The following NAV2 variants were observed in gnomAD, a reference collection of about 807,000 sequenced individuals.
NAV2 encodes helicase, APC down-regulated 1.
Under a neutral mutation model 223.2 loss-of-function variants are expected in NAV2, and 54 were observed. The observed-to-expected ratio is 0.24, with a 90% confidence interval of 0.19 to 0.30. The LOEUF is 0.30. NAV2 is among the 10% of genes least tolerant of loss of function. NAV2 has a pLI of 1.00. For synonymous variants in NAV2, 1,279 were observed against 1,239.3 expected (o/e 1.03, Z -0.67); for missense variants, 2,806 against 3,147.5 (o/e 0.89, Z 2.60).
intron 1 of NAV2, among the ~76,000 whole-genome samples, chr11:19,385,304 TAAA>T (rs1848992531): frequency 3.7e-5 from 1 of 27,094 alleles, no homozygotes; most frequent in Non-Finnish European, 1.8e-4. Context: ...TAGTTTTGGA[TAAA>T]TATGTTTATT....
chr11:19,482,493 C>T lies in NAV2; in HGVS notation c.75+131466C>T, dbSNP rs1474393037. On this transcript the variant is annotated intron_variant, in intron 1 of 37. Transcript: ENST00000360655. Reference sequence around the variant, plus strand: ...TTTCCACGAGTCAAGCCGGGGCTGACTCAATGCTTGAAGACATATGTGAAT... The same window carrying T: ...TTTCCACGAGTCAAGCCGGGGCTGATTCAATGCTTGAAGACATATGTGAAT... Among the ~76,000 whole-genome samples the T allele has an allele frequency of 9.2e-5, 14 of 152,316 alleles. No homozygotes were observed. In the East Asian group the frequency reaches 2.7e-3, roughly 29 times the overall value.
intron 1 of NAV2, among the ~76,000 whole-genome samples, chr11:19,823,297 TC>T (rs2059474719): frequency 6.6e-6 from 1 of 152,198 alleles, no homozygotes. Context: ...AACCACTGCC[TC>T]CCAGGTTCAA....
At chr11:19,849,269 G>A (rs1375873060) in intron 3 of NAV2, among the ~76,000 whole-genome samples, 1 of 152,128 alleles carries the variant, frequency 6.6e-6, no homozygotes, top group Non-Finnish European at 1.5e-5. Flanking sequence ...CAGAGAAGGG[G>A]TATCATAAAA....
At chr11:19,615,225 CATATG>C (rs765910068) in intron 1 of NAV2, among the ~76,000 whole-genome samples, 13 of 151,548 alleles carry the variant, frequency 8.6e-5, no homozygotes, top group Non-Finnish European at 1.5e-4. Flanking sequence ...ATATATCATA[CATATG>C]ATATATATAT....
intron 1 of NAV2, chr11:19,351,137 GA>G (rs2133697965): frequency 9.0e-7 from 1 of 1,105,142 alleles, no homozygotes; most frequent in East Asian, 2.6e-5. Flanking sequence ...TTTCTCTCCG[GA>G]AGGAGGTAGC....
chr11:19,348,788 T>G (rs1853134036), upstream of NAV2, among the ~76,000 whole-genome samples: 1 of 152,096 alleles, frequency 6.6e-6, no homozygotes, highest in African/African-American at 2.4e-5. Flanking sequence ...ATGAGAAAAC[T>G]GAGATTGGGA....
upstream of NAV2, chr11:19,710,983 C>T (rs1448735245): frequency 1.3e-5 from 2 of 152,148 alleles, no homozygotes; most frequent in African/African-American, 2.4e-5. Context: ...ATGCATGAAA[C>T]AATAAATAAC....
chr11:19,717,941 C>G (rs4623882), intron 1 of NAV2, among the ~76,000 whole-genome samples: 72,362 of 152,016 alleles, frequency 0.48, 18,914 homozygotes, highest in African/African-American at 0.7. Flanking sequence ...GTGAAAAGAC[C>G]TAACTTAGCC....
intron 22 of NAV2, among the ~76,000 whole-genome samples, chr11:20,072,492 G>A (rs182087751): frequency 6.6e-6 from 1 of 152,248 alleles, no homozygotes. Context: ...GTAGCTTGAT[G>A]GGGATAGCAT....
chr11:19,419,201 T>G (rs2702741), intron 1 of NAV2, among the ~76,000 whole-genome samples: 106,459 of 152,054 alleles, frequency 0.7, 37,350 homozygotes, highest in Admixed American at 0.73. Context: ...ATGAACTGTA[T>G]TTTGCTCATC....
chr11:19,796,456 A>G (rs1450724812), intron 1 of NAV2, among the ~76,000 whole-genome samples: 1 of 152,194 alleles, frequency 6.6e-6, no homozygotes, highest in Non-Finnish European at 1.5e-5. Context: ...GGTGCCATAT[A>G]TTGTACTGAA....
At chr11:19,679,294 G>C (rs934274036) in intron 1 of NAV2, among the ~76,000 whole-genome samples, 1 of 152,098 alleles carries the variant, frequency 6.6e-6, no homozygotes, top group Non-Finnish European at 1.5e-5. Flanking sequence ...ATCTGGACGT[G>C]GTGGCACATG....
intron 24 of NAV2, among the ~76,000 whole-genome samples, chr11:20,078,662 T>G (rs1319732705): frequency 6.6e-6 from 1 of 152,212 alleles, no homozygotes; most frequent in Non-Finnish European, 1.5e-5. Context: ...CTTGCCATGT[T>G]GGCTGGGCTG....
intron 1 of NAV2, among the ~76,000 whole-genome samples, chr11:19,508,628 T>C (rs963366265): frequency 5.3e-5 from 8 of 152,198 alleles, no homozygotes; most frequent in African/African-American, 1.9e-4. Flanking sequence ...CACTCCAGTC[T>C]CTAAGTTCCC....
At chr11:19,765,620 C>A (rs1353387597) in intron 1 of NAV2, among the ~76,000 whole-genome samples, 1 of 152,126 alleles carries the variant, frequency 6.6e-6, no homozygotes, top group African/African-American at 2.4e-5. Context: ...GCTGGCCTGA[C>A]CCTTCTCTCC....
At chr11:19,532,783 C>G (rs2044066901) in intron 1 of NAV2, among the ~76,000 whole-genome samples, 1 of 152,184 alleles carries the variant, frequency 6.6e-6, no homozygotes, top group Non-Finnish European at 1.5e-5. Flanking sequence ...CTTCTTATGA[C>G]ACGAGGCAAC....
chr11:19,954,552 C>G (rs1174927649), intron 10 of NAV2, among the ~76,000 whole-genome samples: 2 of 152,118 alleles, frequency 1.3e-5, no homozygotes, highest in African/African-American at 4.8e-5. Flanking sequence ...TACTTTAAAT[C>G]ATCTCTAGAT....
At chr11:19,398,216 G>C (rs954904038) in intron 1 of NAV2, among the ~76,000 whole-genome samples, 1 of 152,116 alleles carries the variant, frequency 6.6e-6, no homozygotes, top group Non-Finnish European at 1.5e-5. Flanking sequence ...TTGGGAGCCT[G>C]AATGTCACAT....
chr11:19,882,268 G>A (rs1262225844), intron 5 of NAV2, among the ~76,000 whole-genome samples: 3 of 152,144 alleles, frequency 2.0e-5, no homozygotes, highest in Non-Finnish European at 4.4e-5. Context: ...AAATGGAGAT[G>A]GACTAATTCT....
Sources: allele counts gnomAD v4.1 joint callset (sites outside exome capture counted in the v4.1 genomes callset), GRCh38; gene constraint gnomAD v4.1.1; transcripts MANE v1.5; gene names NCBI Gene and HGNC (gene_info 2026-07-23, HGNC 2026-07-21).